The following CACNA1D variants were observed in gnomAD, a reference collection of about 807,000 sequenced individuals.
CACNA1D encodes the protein voltage-dependent L-type calcium channel subunit alpha-1D.
In CACNA1D, 55 loss-of-function variants were observed where a neutral mutation model predicts 257.1. The observed-to-expected ratio is 0.21, with a 90% CI of 0.17 to 0.27. The LOEUF is 0.27. Among genes scored for constraint, CACNA1D ranks in the 10% least tolerant of loss-of-function variants. CACNA1D has a pLI of 1.00. For synonymous variants in CACNA1D, 980 were observed against 1,014.9 expected (o/e 0.97, Z 0.65); for missense variants, 1,876 against 2,784.0 (o/e 0.67, Z 7.34).
intron 3 of CACNA1D, among the ~76,000 whole-genome samples, chr3:53,511,153 A>C (rs2091090231): frequency 6.6e-6 from 1 of 152,120 alleles, no homozygotes; most frequent in Non-Finnish European, 1.5e-5. Context: ...ATTTTCACAC[A>C]CAGTAAAATC....
intron 11 of CACNA1D, among the ~76,000 whole-genome samples, chr3:53,720,630 A>G (rs1219757190): frequency 6.6e-6 from 1 of 152,264 alleles, no homozygotes; most frequent in Non-Finnish European, 1.5e-5. Flanking sequence ...AGAGATGTGG[A>G]TGGCAGATAA....
intron 30 of CACNA1D, chr3:53,765,697 A>T (rs1280799469): frequency 6.6e-6 from 1 of 152,582 alleles, no homozygotes; most frequent in Non-Finnish European, 1.5e-5. Flanking sequence ...GTCTTCCAGA[A>T]TGAATGATCT....
intron 3 of CACNA1D, among the ~76,000 whole-genome samples, chr3:53,570,864 A>G (rs1299227858): frequency 1.3e-5 from 2 of 152,254 alleles, no homozygotes; most frequent in African/African-American, 4.8e-5. Flanking sequence ...GGCTTCCTGG[A>G]AAAAGTGAGC....
intron 3 of CACNA1D, among the ~76,000 whole-genome samples, chr3:53,633,894 C>T (rs1404182112): frequency 6.6e-6 from 1 of 152,180 alleles, no homozygotes; most frequent in African/African-American, 2.4e-5. Context: ...AATTTCCAGA[C>T]ATTTGAGATC....
Position 53,726,738 on chromosome 3 carries a change from G to T in CACNA1D, c.2101-141G>T, listed in dbSNP as rs1366600673. On this transcript the variant is annotated intron_variant, in intron 14 of 47. Coordinates refer to ENST00000350061, the MANE Select transcript of CACNA1D (RefSeq NM_001128840.3). Reference sequence around the variant, plus strand: ...AAAACAGTGTTTTAGAAATTCCATGGGATAACAGATGGATTTGTTCAGTGC... The same window carrying T: ...AAAACAGTGTTTTAGAAATTCCATGTGATAACAGATGGATTTGTTCAGTGC... The T allele has an allele frequency of 8.8e-6, 8 of 910,424 alleles. No homozygotes were observed. The East Asian group carries it at 1.9e-4, about 22-fold the overall frequency. The allele number at this position is 910,424 out of a possible 1,614,324, so 56.4% of individuals were successfully genotyped here. A position where few individuals can be genotyped will look rare whatever the true frequency, so the allele number is the denominator to read the frequency against.
intron 3 of CACNA1D, among the ~76,000 whole-genome samples, chr3:53,521,382 T>C (rs991744511): frequency 6.6e-6 from 1 of 152,140 alleles, no homozygotes; most frequent in African/African-American, 2.4e-5. Flanking sequence ...CACAAAAGTT[T>C]TTACTTTTGA....
chr3:53,802,062 G>A lies in CACNA1D; in HGVS notation c.5409-85G>A, dbSNP rs2095538994. On this transcript the variant is annotated intron_variant, in intron 42 of 47. Coordinates refer to ENST00000350061, the MANE Select transcript of CACNA1D (RefSeq NM_001128840.3). Reference sequence around the variant, plus strand: ...AATTTGCTAACCCCTACTCTAGGAGGTAGCCTGATGTTTGCATTGTAAATT... The same window carrying A: ...AATTTGCTAACCCCTACTCTAGGAGATAGCCTGATGTTTGCATTGTAAATT... The A allele has an allele frequency of 2.5e-6, 3 of 1,180,820 alleles. No individual in the cohort carries two copies. The South Asian group carries it at 3.6e-5, about 14-fold the overall frequency. The allele number at this position is 1,180,820 out of a possible 1,614,324, so 73.1% of individuals were successfully genotyped here.
intron 31 of CACNA1D, 92 bp from the exon 32 acceptor site, chr3:53,770,332 C>T: frequency 8.2e-7 from 1 of 1,216,046 alleles, no homozygotes; most frequent in Non-Finnish European, 1.2e-6. Context: ...TCAGTTCTTA[C>T]CTCTGTCACC....
chr3:53,509,174 G>T (rs888628037), intron 3 of CACNA1D, among the ~76,000 whole-genome samples: 1 of 151,848 alleles, frequency 6.6e-6, no homozygotes, highest in African/African-American at 2.4e-5. Flanking sequence ...TGTTTGGCTG[G>T]GCAGGCAAAG....
intron 7 of CACNA1D, among the ~76,000 whole-genome samples, chr3:53,671,170 C>G (rs1294612507): frequency 6.6e-6 from 1 of 152,194 alleles, no homozygotes; most frequent in Admixed American, 6.5e-5. Flanking sequence ...AATTTTCCCT[C>G]CCAAGTAGAG....
chr3:53,799,108 C>T (rs1031867260), intron 40 of CACNA1D, among the ~76,000 whole-genome samples: 2 of 152,202 alleles, frequency 1.3e-5, no homozygotes, highest in African/African-American at 4.8e-5. Flanking sequence ...GGCTACAGAG[C>T]TGTGGACAGA....
At chr3:53,658,040 T>A (rs1036528330) in intron 4 of CACNA1D, among the ~76,000 whole-genome samples, 6 of 152,262 alleles carry the variant, frequency 3.9e-5, no homozygotes, top group Admixed American at 2.0e-4. Flanking sequence ...ACGTGAAGGC[T>A]TGTATGTGAC....
rs1271576877 is a variant in CACNA1D, at chr3:53,722,477, A to G, written c.1666+3A>G. 1 of 1,614,086 alleles carries G rather than the reference A, an allele frequency of 6.2e-7. No individual in the cohort carries two copies. The highest frequency in any genetic ancestry group is 8.5e-7 in the Non-Finnish European group (1 of 1,179,970). ...AGATTGGTTGACACAGATTCAAGGT[A>G]CAAGCAGAGGCCATTCCTTTTTTGT... On this transcript the variant is annotated splice_donor_region_variant and intron_variant, in intron 12 of 47. Transcript: ENST00000350061.
rs191120820 is a variant in CACNA1D, at chr3:53,740,058, C to A, written c.2752-222C>A. Among the ~76,000 whole-genome samples, 46 of 152,310 alleles carry A rather than the reference C, an allele frequency of 3.0e-4. 1 individual carries two copies. The highest frequency in any genetic ancestry group is 2.8e-3 in the Admixed American group (43 of 15,306). ...CAAGACACAAGACTGGGAAGCAAGT[C>A]GGTGAGTGGTTAAAGGAGGTCAGGA... On this transcript the variant is annotated intron_variant, in intron 20 of 47. Coordinates refer to ENST00000350061, the MANE Select transcript of CACNA1D (RefSeq NM_001128840.3).
intron 3 of CACNA1D, among the ~76,000 whole-genome samples, chr3:53,624,821 T>C (rs1171395750): frequency 6.6e-6 from 1 of 152,094 alleles, no homozygotes; most frequent in Non-Finnish European, 1.5e-5. Flanking sequence ...GTGGTATCCG[T>C]GGGATTGTGT....
chr3:53,731,384 G>A (rs561596740), intron 17 of CACNA1D, among the ~76,000 whole-genome samples: 46 of 152,340 alleles, frequency 3.0e-4, no homozygotes, highest in African/African-American at 9.6e-4. Flanking sequence ...GAATTGACTA[G>A]TTTGACCACT....
At position 53,497,211 on chromosome 3, in the gene CACNA1D, C is replaced by T. The variant is rs2107069325; in HGVS notation, c.127C>T (p.Pro43Ser). Residue 43 changes from proline (P) to serine (S), a missense_variant, in exon 2 of 48, where the codon CCG becomes TCG. Coordinates refer to ENST00000350061, the MANE Select transcript of CACNA1D (RefSeq NM_001128840.3). ...PLSGEGPTSQ[P>S]NSSKQTVLSW... ...TTCTGGTGAAGGACCAACTTCTCAG[C>T]CGAATAGCTCCAAGCAAACTGTCCT... 6.2e-7 allele frequency: 1 copy of T among 1,614,092 alleles called. No individual in the cohort carries two copies. The highest frequency in any genetic ancestry group is 8.5e-7 in the Non-Finnish European group (1 of 1,180,000).
At chr3:53,724,209 AG>A (rs2094908999) in intron 14 of CACNA1D, among the ~76,000 whole-genome samples, 1 of 152,224 alleles carries the variant, frequency 6.6e-6, no homozygotes, top group African/African-American at 2.4e-5. Context: ...ATTTTTTTAA[AG>A]ACTTCTAGCT....
In CACNA1D at chr3:53,662,168, C is replaced by T. The variant is rs150487781; in HGVS notation, c.766+1893C>T. 5.7e-4 allele frequency among the ~76,000 whole-genome samples: 87 copies of T among 152,266 alleles called. No individual in the cohort carries two copies. The East Asian group carries it at 0.014, about 25-fold the overall frequency. On this transcript the variant is annotated intron_variant, in intron 5 of 47. Coordinates refer to ENST00000350061, the MANE Select transcript of CACNA1D (RefSeq NM_001128840.3). ...TGTTTAGTCCCTGCTAAAGAGAATC[C>T]AGACTGTTCTGTAAGACATAATTTT...
Sources: allele counts gnomAD v4.1 joint callset (sites outside exome capture counted in the v4.1 genomes callset), GRCh38; gene constraint gnomAD v4.1.1; transcripts MANE v1.5; gene names NCBI Gene and HGNC (gene_info 2026-07-23, HGNC 2026-07-21).